The following PEAK1 variants were observed in gnomAD, a reference collection of about 807,000 sequenced individuals.
The protein encoded by PEAK1 is inactive tyrosine-protein kinase PEAK1.
In PEAK1, 54 loss-of-function variants were observed where a neutral mutation model predicts 124.7. That is an observed-to-expected ratio of 0.43 (90% CI 0.35 to 0.54). The LOEUF (loss-of-function observed/expected upper bound fraction) is 0.54, where lower values mean the gene tolerates loss of function less well. Ranked by LOEUF, PEAK1 falls within the 20% of genes least tolerant of loss-of-function variation. The probability of loss-of-function intolerance (pLI) is 0.01; values close to 1 mark genes in which losing one functional copy is unlikely to be tolerated. For missense variants in PEAK1, 2,046 were observed against 2,134.5 expected (o/e 0.96, Z 0.82); for synonymous variants, 719 against 760.0 (o/e 0.95, Z 0.89).
intron 6 of PEAK1, among the ~76,000 whole-genome samples, chr15:77,228,663 T>C (rs558609737): frequency 6.6e-6 from 1 of 152,272 alleles, no homozygotes; most frequent in Non-Finnish European, 1.5e-5. Context: ...TTATGGGCTT[T>C]TGATACTTGT....
At chr15:77,279,625 G>A (rs1440976566) in intron 5 of PEAK1, among the ~76,000 whole-genome samples, 4 of 152,190 alleles carry the variant, frequency 2.6e-5, no homozygotes, top group African/African-American at 9.6e-5. Flanking sequence ...CATTCTAAAT[G>A]TGAAATGTCA....
intron 1 of PEAK1, among the ~76,000 whole-genome samples, chr15:77,401,278 A>C (rs897465727): frequency 3.3e-5 from 5 of 152,136 alleles, no homozygotes; most frequent in African/African-American, 1.2e-4. Context: ...CCTCCAAAAT[A>C]ATCACCATAT....
intron 5 of PEAK1, among the ~76,000 whole-genome samples, chr15:77,266,951 C>T (rs769562095): frequency 2.0e-5 from 3 of 150,316 alleles, no homozygotes; most frequent in Non-Finnish European, 2.9e-5. Flanking sequence ...GCCCTCCTCA[C>T]TGGTTGCCTG....
intron 2 of PEAK1, chr15:77,335,397 A>G (rs2141276083): frequency 1.0e-6 from 1 of 985,316 alleles, no homozygotes; most frequent in South Asian, 4.7e-5. Context: ...GGAAATTTAG[A>G]TGGGTGAAGA....
At chr15:77,319,618 AC>A (rs973533853) in intron 2 of PEAK1, among the ~76,000 whole-genome samples, 25 of 152,318 alleles carry the variant, frequency 1.6e-4, no homozygotes, top group African/African-American at 4.8e-4. Flanking sequence ...GAAGTGTTTT[AC>A]TTTTTAATAG....
intron 9 of PEAK1, among the ~76,000 whole-genome samples, chr15:77,127,651 G>A (rs1484266424): frequency 6.6e-6 from 1 of 152,218 alleles, no homozygotes; most frequent in African/African-American, 2.4e-5. Flanking sequence ...TCTAAGCAAA[G>A]TGAAGGAGTG....
At chr15:77,200,796 T>C (rs543302136) in intron 6 of PEAK1, among the ~76,000 whole-genome samples, 4 of 152,248 alleles carry the variant, frequency 2.6e-5, no homozygotes, top group African/African-American at 9.6e-5. Flanking sequence ...AGCAGGTGAT[T>C]GTTTCATGTT....
chr15:77,248,948 C>T (rs1044406831), intron 6 of PEAK1, among the ~76,000 whole-genome samples: 4 of 152,044 alleles, frequency 2.6e-5, no homozygotes, highest in East Asian at 1.9e-4. Flanking sequence ...CTCAGCTTCC[C>T]GAGTCACTGT....
chr15:77,298,224 TTTTTTTTTTTTTGAG>T, intron 2 of PEAK1, among the ~76,000 whole-genome samples: 1 of 48,146 alleles, frequency 2.1e-5, no homozygotes, highest in African/African-American at 7.8e-5. Context: ...TTTTTTTTTT[TTTTTTTTTTTTTGAG>T]AGGTAGTCTC....
At chr15:77,418,594 A>G (rs2073080541) in intron 1 of PEAK1, 6 of 985,086 alleles carry the variant, frequency 6.1e-6, no homozygotes, top group Middle Eastern at 1.0e-3. Flanking sequence ...AGTTTACTAA[A>G]TAAGTCACCA....
At chr15:77,378,423 A>T (rs1169770427) in intron 1 of PEAK1, among the ~76,000 whole-genome samples, 2 of 152,076 alleles carry the variant, frequency 1.3e-5, no homozygotes, top group African/African-American at 4.8e-5. Flanking sequence ...CAGAGTACGG[A>T]ATTCAATAGT....
Position 77,286,359 on chromosome 15 carries a change from G to C in PEAK1, c.-521+64C>G, listed in dbSNP as rs947184293. On this transcript the variant is annotated intron_variant, in intron 3 of 9. Transcript: ENST00000682557. ...AGATTTTTGCTGAAATAAGACAGGAGATTAATAAAAGAGATTTAAGACCAG... is the reference window on the plus strand; with the variant it reads ...AGATTTTTGCTGAAATAAGACAGGACATTAATAAAAGAGATTTAAGACCAG... 36 of 890,356 alleles carry C rather than the reference G, an allele frequency of 4.0e-5. No individual in the cohort carries two copies. The African/African-American group carries it at 5.4e-4, about 13-fold the overall frequency. 55.2% of individuals were successfully genotyped at this position (890,356 alleles called of 1,614,324 possible).
chr15:77,370,649 A>AG (rs1330043585), intron 1 of PEAK1: 1 of 964,620 alleles, frequency 1.0e-6, no homozygotes, highest in East Asian at 1.1e-4. Context: ...CAAAACCCAC[A>AG]GATTTAATGT....
At chr15:77,306,551 T>C (rs1477717628) in intron 2 of PEAK1, among the ~76,000 whole-genome samples, 1 of 152,172 alleles carries the variant, frequency 6.6e-6, no homozygotes, top group African/African-American at 2.4e-5. Context: ...AATGGCCATG[T>C]GATAAAATTT....
At chr15:77,172,624 T>A (rs988109845) in intron 7 of PEAK1, among the ~76,000 whole-genome samples, 1 of 152,204 alleles carries the variant, frequency 6.6e-6, no homozygotes, top group African/African-American at 2.4e-5. Context: ...TCAAACTATT[T>A]CACAAGTATT....
intron 7 of PEAK1, chr15:77,178,320 AC>A (rs2057011535): frequency 6.4e-6 from 1 of 155,204 alleles, no homozygotes; most frequent in South Asian, 2.0e-4. Flanking sequence ...CAATAAAAAA[AC>A]AAATATTCCC....
intron 2 of PEAK1, among the ~76,000 whole-genome samples, chr15:77,329,580 A>G (rs1471329297): frequency 6.6e-6 from 1 of 152,218 alleles, no homozygotes; most frequent in Non-Finnish European, 1.5e-5. Context: ...AATCAGAAAG[A>G]TAAGTCAGAG....
intron 8 of PEAK1, among the ~76,000 whole-genome samples, chr15:77,154,211 T>G (rs11520371): frequency 0.36 from 55,397 of 152,054 alleles, 10,239 homozygotes; most frequent in Non-Finnish European, 0.38. Flanking sequence ...AGTTCTTATT[T>G]TTCAATTGAT....
chr15:77,173,787 A>G (rs1053937206), intron 7 of PEAK1, among the ~76,000 whole-genome samples: 3 of 152,216 alleles, frequency 2.0e-5, no homozygotes, highest in African/African-American at 7.2e-5. Context: ...TTTGGCCTAC[A>G]ATGTCTTTCC....
Sources: gnomAD v4.1 joint callset for allele counts (sites outside exome capture counted in the v4.1 genomes callset) on GRCh38, gnomAD v4.1.1 for gene constraint, MANE v1.5 for transcripts, NCBI Gene and HGNC (gene_info 2026-07-23, HGNC 2026-07-21) for gene names.